The following AFF2 variants were observed in gnomAD, a reference collection of about 807,000 sequenced individuals.
AFF2 encodes the protein ALF transcription elongation factor 2.
AFF2 carries 14 observed loss-of-function variants against 76.9 expected under a neutral mutation model. The observed-to-expected ratio is 0.18, with a 90% CI of 0.12 to 0.28. AFF2 has a LOEUF of 0.28. Among genes scored for constraint, AFF2 ranks in the 10% least tolerant of loss-of-function variants. AFF2 has a pLI of 1.00. For synonymous variants in AFF2, 398 were observed against 366.7 expected, an observed-to-expected ratio of 1.09 and a Z score of -0.98; for missense variants, 868 against 1,001.1, an observed-to-expected ratio of 0.87 and a Z score of 1.79.
At chrX:148,859,736 A>G (rs1180877908) in intron 7 of AFF2, among the ~76,000 whole-genome samples, 1 of 111,894 alleles carries the variant, frequency 8.9e-6, no homozygotes, top group African/African-American at 3.2e-5. Context: ...AAAAATTAAA[A>G]ACACTATATA....
intron 3 of AFF2, among the ~76,000 whole-genome samples, chrX:148,790,761 G>C (rs1291409776): frequency 1.8e-5 from 2 of 111,442 alleles, no homozygotes; most frequent in Non-Finnish European, 3.8e-5. Context: ...TAGGTGATGG[G>C]TTGATAGGTG....
At chrX:148,543,455 A>G (rs2052883625) in intron 1 of AFF2, among the ~76,000 whole-genome samples, 1 of 111,089 alleles carries the variant, frequency 9.0e-6, no homozygotes, top group Non-Finnish European at 1.9e-5. Context: ...ACCCTGGGAG[A>G]TAAGCACTGT....
chrX:148,882,494 G>A lies in AFF2; in HGVS notation c.1263-3395G>A, dbSNP rs782492444. 4.5e-5 allele frequency among the ~76,000 whole-genome samples: 5 copies of A among 111,818 alleles called. No individual in the cohort carries two copies. In the Admixed American group the frequency reaches 4.7e-4, roughly 11 times the overall value. Reference sequence around the variant, plus strand: ...AACAGACAACAGACTTCACTAAGGAGGTCTAATTGGTTCTGTTTTCACCTA... The same window carrying A: ...AACAGACAACAGACTTCACTAAGGAAGTCTAATTGGTTCTGTTTTCACCTA... On this transcript the variant is annotated intron_variant, in intron 7 of 20. Coordinates refer to ENST00000370460, the MANE Select transcript of AFF2 (RefSeq NM_002025.4).
At chrX:148,682,704 TA>T (rs2054563444) in intron 3 of AFF2, among the ~76,000 whole-genome samples, 1 of 111,858 alleles carries the variant, frequency 8.9e-6, no homozygotes, top group Non-Finnish European at 1.9e-5. Context: ...TTTACTTACA[TA>T]AAAAAGAAAT....
chrX:148,788,943 T>C (rs2069857188), intron 3 of AFF2, among the ~76,000 whole-genome samples: 1 of 111,954 alleles, frequency 8.9e-6, no homozygotes, highest in African/African-American at 3.2e-5. Context: ...ACTGCATATT[T>C]TCAAAAGAGG....
chrX:148,765,676 CTTTATTTA>C (rs201915480), intron 3 of AFF2, among the ~76,000 whole-genome samples: 3 of 107,723 alleles, frequency 2.8e-5, no homozygotes, highest in African/African-American at 1.0e-4. Flanking sequence ...CTAAGAAAGT[CTTTATTTA>C]TTTATTTATT....
chrX:148,933,582 G>T (rs1206015639), intron 9 of AFF2, among the ~76,000 whole-genome samples: 1 of 111,105 alleles, frequency 9.0e-6, no homozygotes, highest in Non-Finnish European at 1.9e-5. Context: ...GGATGGATTA[G>T]TGATGTATTT....
Position 148,998,824 on chromosome X carries a change from G to A in AFF2, c.*7492G>A. On this transcript the variant is annotated 3_prime_UTR_variant, in exon 21 of 21. Coordinates refer to ENST00000370460, the MANE Select transcript of AFF2 (RefSeq NM_002025.4). ...GGGGGGGTTGTTATCATTGACTGAA[G>A]AAATATTTTGATTGCAATGGTCTCT... 1 of 106,737 alleles carries A rather than the reference G, an allele frequency of 9.4e-6. No individual in the cohort carries two copies. Among genetic ancestry groups the A allele is most frequent in the Non-Finnish European group, 1.9e-5 (1 of 51,633 alleles). 8.8% of individuals were successfully genotyped at this position (106,737 alleles called of 1,213,427 possible).
chrX:148,970,117 T>A (rs1557289345), intron 15 of AFF2, among the ~76,000 whole-genome samples: 1 of 111,796 alleles, frequency 8.9e-6, no homozygotes, highest in African/African-American at 3.3e-5. Flanking sequence ...CTAAGGAAAT[T>A]GTCCTGTAAG....
At chrX:148,979,963 G>T (rs1430900898) in intron 18 of AFF2, among the ~76,000 whole-genome samples, 2 of 112,015 alleles carry the variant, frequency 1.8e-5, no homozygotes, top group Non-Finnish European at 3.8e-5. Flanking sequence ...GTCTGAGTCA[G>T]GCACAGTGCC....
chrX:148,638,493 C>T (rs1489196411), intron 1 of AFF2, among the ~76,000 whole-genome samples: 2 of 111,701 alleles, frequency 1.8e-5, no homozygotes, highest in Non-Finnish European at 3.8e-5. Context: ...CTTCCCTTGA[C>T]ACTTGGGGAT....
chrX:148,674,790 G>A (rs868984327), intron 3 of AFF2, among the ~76,000 whole-genome samples: 2 of 112,103 alleles, frequency 1.8e-5, no homozygotes, highest in African/African-American at 6.5e-5. Context: ...TTTATCTAAG[G>A]AGAAGGTGGC....
At chrX:148,663,415 G>A (rs1374663864) in intron 3 of AFF2, among the ~76,000 whole-genome samples, 2 of 111,899 alleles carry the variant, frequency 1.8e-5, no homozygotes, top group Non-Finnish European at 3.8e-5. Flanking sequence ...AAAGCATTAC[G>A]AGCAACCAAA....
chrX:148,643,860 T>C (rs1270561200), intron 1 of AFF2, among the ~76,000 whole-genome samples: 2 of 111,706 alleles, frequency 1.8e-5, no homozygotes, highest in Non-Finnish European at 3.8e-5. Flanking sequence ...CCAACAGTTA[T>C]AGTGTATGAG....
Position 148,991,253 on chromosome X carries a change from A to T in AFF2, c.3857A>T (p.Gln1286Leu). The T allele has an allele frequency of 8.3e-7, 1 of 1,209,805 alleles. No homozygotes were observed. The highest frequency in any genetic ancestry group is 1.1e-6 in the Non-Finnish European group (1 of 894,294). Reference protein sequence around the residue: ...DLDTLMGPLTQHSSMTNLVRY... With the variant: ...DLDTLMGPLTLHSSMTNLVRY... ...GACACGCTGATGGGGCCTCTGACCC[A>T]GCACAGCAGCATGACCAATCTTGTC... is the stretch of plus-strand genomic sequence containing the variant. The change falls in exon 21 of 21, where the codon CAG becomes CTG. Residue 1286 changes from glutamine to leucine, a missense_variant. Gln to Leu is a moderately radical substitution (Grantham distance 113). Transcript: ENST00000370460.
At chrX:148,753,326 ATAGT>A (rs2055524334) in intron 3 of AFF2, among the ~76,000 whole-genome samples, 1 of 112,051 alleles carries the variant, frequency 8.9e-6, no homozygotes, top group South Asian at 3.7e-4. Flanking sequence ...AACTGCTCTG[ATAGT>A]TCTGCAGCTA....
intron 4 of AFF2, among the ~76,000 whole-genome samples, chrX:148,813,954 A>G (rs1478795477): frequency 9.8e-5 from 11 of 112,519 alleles, no homozygotes; most frequent in African/African-American, 3.5e-4. Flanking sequence ...GCTCCTTTTC[A>G]GGCATATTAT....
chrX:148,808,514 C>T (rs907882580), intron 3 of AFF2, among the ~76,000 whole-genome samples: 3 of 112,102 alleles, frequency 2.7e-5, no homozygotes, highest in East Asian at 2.8e-4. Context: ...TTATTGTTAT[C>T]GGAAGGATGA....
Position 148,886,115 on chromosome X carries a change from G to A in AFF2, c.1359+130G>A. 4 of 516,364 alleles carry A rather than the reference G, an allele frequency of 7.7e-6. No homozygotes were observed. In the South Asian group the frequency reaches 1.1e-4, roughly 15 times the overall value. 42.6% of individuals were successfully genotyped at this position (516,364 alleles called of 1,213,427 possible). A position where few individuals can be genotyped will look rare whatever the true frequency, so the allele number is the denominator to read the frequency against. On this transcript the variant is annotated intron_variant, in intron 8 of 20. Coordinates refer to ENST00000370460, the MANE Select transcript of AFF2 (RefSeq NM_002025.4). ...CTGGGCTTTGGAGAGAGGGAAAGAA[G>A]CAAAGATGAGCATAGTGTTCTGGAA...
Sources: allele counts gnomAD v4.1 joint callset (sites outside exome capture counted in the v4.1 genomes callset), GRCh38; gene constraint gnomAD v4.1.1; transcripts MANE v1.5; gene names NCBI Gene and HGNC (gene_info 2026-07-23, HGNC 2026-07-21).